The following SLC16A2 variants were observed in gnomAD, a reference collection of about 807,000 sequenced individuals.
SLC16A2 encodes monocarboxylate transporter 8.
SLC16A2 carries 3 observed loss-of-function variants against 27.2 expected under a neutral mutation model. The observed-to-expected ratio is 0.11, with a 90% CI of 0.05 to 0.28. The LOEUF (loss-of-function observed/expected upper bound fraction) is 0.28, where lower values mean the gene tolerates loss of function less well. SLC16A2 is among the 10% of genes least tolerant of loss of function. The pLI, the probability that SLC16A2 is intolerant of heterozygous loss-of-function variation, is 1.00. For synonymous variants in SLC16A2, 202 were observed against 187.8 expected (o/e 1.08, Z -0.62); for missense variants, 295 against 458.5 (o/e 0.64, Z 3.26).
At chrX:74,458,553 G>A (rs1192090534) in intron 1 of SLC16A2, among the ~76,000 whole-genome samples, 1 of 110,692 alleles carries the variant, frequency 9.0e-6, no homozygotes, top group African/African-American at 3.3e-5. Context: ...TCTCCATGTT[G>A]GTCAGGCTGG....
chrX:74,436,218 C>T (rs1187348548), intron 1 of SLC16A2, among the ~76,000 whole-genome samples: 1 of 110,613 alleles, frequency 9.0e-6, no homozygotes, highest in African/African-American at 3.3e-5. Context: ...TGTGTGTGTG[C>T]GCATGCGTGC....
chrX:74,434,035 C>T (rs771654173), intron 1 of SLC16A2, among the ~76,000 whole-genome samples: 1 of 112,135 alleles, frequency 8.9e-6, no homozygotes, highest in Admixed American at 9.5e-5. Flanking sequence ...GCTCTCCCTG[C>T]TCACCAGCCC....
At chrX:74,515,632 G>A (rs1173187862) in intron 1 of SLC16A2, among the ~76,000 whole-genome samples, 2 of 110,482 alleles carry the variant, frequency 1.8e-5, no homozygotes, top group African/African-American at 6.6e-5. Flanking sequence ...TAAACACACA[G>A]ACATGCACGT....
intron 1 of SLC16A2, among the ~76,000 whole-genome samples, chrX:74,442,088 C>T (rs1422847456): frequency 9.1e-6 from 1 of 109,298 alleles, no homozygotes; most frequent in Admixed American, 9.8e-5. Context: ...ATTAGCCAGA[C>T]GTGGTGGCGC....
At chrX:74,524,317 T>C in intron 2 of SLC16A2, 42 bp from the exon 3 acceptor site, 1 of 1,188,635 alleles carries the variant, frequency 8.4e-7, no homozygotes, top group Non-Finnish European at 1.1e-6. Flanking sequence ...GGTAGATTGC[T>C]GGTCAGGCTG....
intron 2 of SLC16A2, among the ~76,000 whole-genome samples, chrX:74,521,615 T>C (rs1026081750): frequency 1.2e-4 from 13 of 112,391 alleles, no homozygotes; most frequent in Non-Finnish European, 1.9e-5. Flanking sequence ...AGTGAGCCCA[T>C]GTGAACACCT....
intron 1 of SLC16A2, among the ~76,000 whole-genome samples, chrX:74,509,103 C>T (rs766559094): frequency 1.1e-3 from 125 of 111,056 alleles, no homozygotes; most frequent in African/African-American, 4.0e-3. Flanking sequence ...GCTGGAACTC[C>T]AGGTGCGTGC....
intron 1 of SLC16A2, among the ~76,000 whole-genome samples, chrX:74,425,027 T>TTTTA (rs748909387): frequency 6.6e-4 from 74 of 111,392 alleles, no homozygotes; most frequent in South Asian, 6.5e-3. Context: ...CCTGGCTAAT[T>TTTTA]TTTATTTATT....
intron 1 of SLC16A2, among the ~76,000 whole-genome samples, chrX:74,456,566 G>A: frequency 9.0e-6 from 1 of 111,617 alleles, no homozygotes; most frequent in East Asian, 2.8e-4. Context: ...CTACTACTAA[G>A]AATAATAATA....
chrX:74,525,098 A>G lies in SLC16A2; in HGVS notation c.1026+289A>G, dbSNP rs748748857. 3.0e-4 allele frequency among the ~76,000 whole-genome samples: 34 copies of G among 112,036 alleles called. No individual in the cohort carries two copies. In the South Asian group the frequency reaches 0.013, roughly 43 times the overall value. ...GAAGAGATACGCATTGCCAGGATGC[A>G]GGAGACTGGCCCGGGTGACCCAAGA... On this transcript the variant is annotated intron_variant, in intron 3 of 5. Transcript: ENST00000587091.
In SLC16A2 at chrX:74,519,746, A is replaced by AAAC. The variant is rs1424472744; in HGVS notation, c.431-1244_431-1243insAAC. ...AAAAAAAAAACAAAAAAAAAACGAA[A>AAAC]GAAAGAAAAAGAAAAAGAAATGTTT... On this transcript the variant is annotated intron_variant, in intron 1 of 5. Coordinates refer to ENST00000587091, the MANE Select transcript of SLC16A2 (RefSeq NM_006517.5). Among the ~76,000 whole-genome samples the AAAC allele has an allele frequency of 2.4e-3, 177 of 75,005 alleles. 25 individuals carry two copies. The highest frequency in any genetic ancestry group is 3.9e-3 in the Non-Finnish European group (130 of 33,079). The allele number at this position is 75,005 out of a possible 115,157, so 65.1% of individuals were successfully genotyped here.
chrX:74,460,344 G>A (rs1046835081), intron 1 of SLC16A2, among the ~76,000 whole-genome samples: 1 of 111,647 alleles, frequency 9.0e-6, no homozygotes, highest in Non-Finnish European at 1.9e-5. Context: ...TGATGGTGTT[G>A]CCAAACCTTC....
intron 1 of SLC16A2, among the ~76,000 whole-genome samples, chrX:74,475,551 T>C (rs1929457691): frequency 9.0e-6 from 1 of 111,341 alleles, no homozygotes; most frequent in Non-Finnish European, 1.9e-5. Flanking sequence ...ATGAAGTCCT[T>C]GCCCATGCCT....
intron 1 of SLC16A2, among the ~76,000 whole-genome samples, chrX:74,439,186 T>TTCTTTCTTTCTTTCTTTCTTTC (rs1555981279): frequency 1.9e-5 from 1 of 51,481 alleles, no homozygotes; most frequent in East Asian, 6.9e-3. Context: ...CTTTCTTTCT[T>TTCTTTCTTTCTTTCTTTCTTTC]TTTCTTTCTT....
chrX:74,480,180 T>C (rs1929585431), intron 1 of SLC16A2, among the ~76,000 whole-genome samples: 1 of 112,058 alleles, frequency 8.9e-6, no homozygotes. Flanking sequence ...GCCTCAGCAA[T>C]GTTGGGCGTC....
At chrX:74,467,465 T>C (rs1182481841) in intron 1 of SLC16A2, among the ~76,000 whole-genome samples, 1 of 111,546 alleles carries the variant, frequency 9.0e-6, no homozygotes, top group Non-Finnish European at 1.9e-5. Flanking sequence ...GTTTGAAGGT[T>C]ACCTTGTAGG....
chrX:74,511,214 C>T (rs946393711), intron 1 of SLC16A2, among the ~76,000 whole-genome samples: 13 of 110,632 alleles, frequency 1.2e-4, no homozygotes, highest in Non-Finnish European at 2.5e-4. Context: ...CGGAGTCTCG[C>T]TCTGTCGCCC....
intron 1 of SLC16A2, among the ~76,000 whole-genome samples, chrX:74,484,130 T>C (rs1929674586): frequency 9.0e-6 from 1 of 111,547 alleles, no homozygotes; most frequent in African/African-American, 3.3e-5. Context: ...CTCTGTAAAA[T>C]ATTTGAAGAT....
At chrX:74,429,826 A>G (rs1344920371) in intron 1 of SLC16A2, among the ~76,000 whole-genome samples, 2 of 111,763 alleles carry the variant, frequency 1.8e-5, no homozygotes, top group Admixed American at 1.9e-4. Context: ...CTTCTCACAA[A>G]GAAAAGAGCT....
Sources: gnomAD v4.1 joint callset for allele counts (sites outside exome capture counted in the v4.1 genomes callset) on GRCh38, gnomAD v4.1.1 for gene constraint, MANE v1.5 for transcripts, NCBI Gene and HGNC (gene_info 2026-07-23, HGNC 2026-07-21) for gene names.